Variants in USP8 observed in about 807,000 individuals in gnomAD.
The protein encoded by USP8 is ubiquitin specific peptidase 8.
Under a neutral mutation model 130.0 loss-of-function variants are expected in USP8, and 27 were observed. The observed-to-expected ratio is 0.21, with a 90% confidence interval of 0.15 to 0.29. The LOEUF is 0.29. USP8 is among the 10% of genes least tolerant of loss of function. The pLI, the probability that USP8 is intolerant of heterozygous loss-of-function variation, is 1.00. For synonymous variants in USP8, 392 were observed against 444.1 expected (o/e 0.88, Z 1.48); for missense variants, 1,029 against 1,312.2 (o/e 0.78, Z 3.33).
chr15:50,463,482 A>G (rs1004968122), intron 6 of USP8: 1 of 152,240 alleles, frequency 6.6e-6, no homozygotes. Context: ...AAACATAATT[A>G]TAGGTAACAG....
In USP8 at chr15:50,471,531, T is replaced by C. The variant is rs1377585083; in HGVS notation, c.687-102T>C. 4.7e-6 allele frequency: 6 copies of C among 1,274,748 alleles called. No homozygotes were observed. In the African/African-American group the frequency reaches 7.6e-5, roughly 16 times the overall value. The allele number at this position is 1,274,748 out of a possible 1,614,324, so 79.0% of individuals were successfully genotyped here. A position where few individuals can be genotyped will look rare whatever the true frequency, so the allele number is the denominator to read the frequency against. ...AGAAAGGAATCTACTTAAAATTTGCTATGGTGTGGTAAAGACTGTGGAACA... is the reference window on the plus strand; with the variant it reads ...AGAAAGGAATCTACTTAAAATTTGCCATGGTGTGGTAAAGACTGTGGAACA... On this transcript the variant is annotated intron_variant, in intron 7 of 19. Coordinates refer to ENST00000307179, the MANE Select transcript of USP8 (RefSeq NM_005154.5).
At chr15:50,493,776 T>TAA (rs1213602944) in intron 15 of USP8, 2 of 498,482 alleles carry the variant, frequency 4.0e-6, no homozygotes, top group East Asian at 8.7e-5. Flanking sequence ...CTCTGATTAG[T>TAA]AAAGGACAGA....
At chr15:50,479,745 A>AT (rs2051696819) in intron 10 of USP8, among the ~76,000 whole-genome samples, 1 of 151,704 alleles carries the variant, frequency 6.6e-6, no homozygotes, top group African/African-American at 2.4e-5. Flanking sequence ...TTTCTACACT[A>AT]ACCTCGTTTT....
At chr15:50,471,988 C>T (rs547893517) in intron 8 of USP8, among the ~76,000 whole-genome samples, 193 bp downstream of exon 8, 50 of 151,438 alleles carry the variant, frequency 3.3e-4, no homozygotes, top group African/African-American at 1.2e-3. Context: ...GCAACCTCCG[C>T]GTCCCAGGTT....
chr15:50,473,951 C>T (rs761545854), intron 8 of USP8, among the ~76,000 whole-genome samples: 3 of 151,934 alleles, frequency 2.0e-5, no homozygotes, highest in Admixed American at 6.6e-5. Flanking sequence ...TCTCCTGCCT[C>T]GTCCTTTCCA....
intron 1 of USP8, among the ~76,000 whole-genome samples, chr15:50,429,204 G>A (rs1192014466): frequency 6.6e-6 from 1 of 151,904 alleles, no homozygotes; most frequent in Non-Finnish European, 1.5e-5. Context: ...ACCAATAATG[G>A]TGTAAACCCA....
At chr15:50,460,346 G>C (rs1343684782) in intron 5 of USP8, among the ~76,000 whole-genome samples, 2 of 125,534 alleles carry the variant, frequency 1.6e-5, no homozygotes, top group Non-Finnish European at 3.1e-5. Flanking sequence ...TTACTCTGTC[G>C]CTCAGGCTGG....
At chr15:50,425,486 G>A (rs1383062812) in intron 1 of USP8, among the ~76,000 whole-genome samples, 2 of 152,182 alleles carry the variant, frequency 1.3e-5, no homozygotes, top group Non-Finnish European at 2.9e-5. Flanking sequence ...CATTCATGAT[G>A]GATTTGGGTA....
At chr15:50,446,001 A>G (rs569057950) in intron 3 of USP8, among the ~76,000 whole-genome samples, 2 of 152,230 alleles carry the variant, frequency 1.3e-5, no homozygotes, top group Non-Finnish European at 2.9e-5. Flanking sequence ...AAGTGGGGAA[A>G]GAAAATGTAT....
intron 4 of USP8, among the ~76,000 whole-genome samples, chr15:50,457,027 T>C (rs2050812495): frequency 6.6e-6 from 1 of 152,252 alleles, no homozygotes; most frequent in Non-Finnish European, 1.5e-5. Context: ...GCTAAAGATG[T>C]AATTCTTGCT....
chr15:50,455,259 T>G (rs1269895209), intron 4 of USP8, among the ~76,000 whole-genome samples: 1 of 151,040 alleles, frequency 6.6e-6, no homozygotes, highest in South Asian at 2.2e-4. Flanking sequence ...TGTGTTTTTT[T>G]GTAGAGACAG....
Position 50,513,538 on chromosome 15 carries a change from A to G in USP8, c.*14450A>G, listed in dbSNP as rs1045636221. Reference sequence around the variant, plus strand: ...CTGTCTAAAAAAAAAAAAAAAAAAAAGAGTGAAGAATCAAGCCACAGAAGG... The same window carrying G: ...CTGTCTAAAAAAAAAAAAAAAAAAAGGAGTGAAGAATCAAGCCACAGAAGG... On this transcript the variant is annotated 3_prime_UTR_variant, in exon 20 of 20. Coordinates refer to ENST00000307179, the MANE Select transcript of USP8 (RefSeq NM_005154.5). 1 of 146,644 alleles carries G rather than the reference A, an allele frequency of 6.8e-6. No homozygotes were observed. The highest frequency in any genetic ancestry group is 2.1e-4 in the East Asian group (1 of 4,854). 9.1% of individuals were successfully genotyped at this position (146,644 alleles called of 1,614,324 possible). A position where few individuals can be genotyped will look rare whatever the true frequency, so the allele number is the denominator to read the frequency against.
rs764874141 is a variant in USP8 at position 50,492,689 on chromosome 15, T to C, written c.2235-12T>C. 3 of 1,610,610 alleles carry C rather than the reference T, an allele frequency of 1.9e-6. No individual in the cohort carries two copies. In the South Asian group the frequency reaches 3.3e-5, roughly 18 times the overall value. ...GCATTTTAAGACATCTTGTATCCTTTTTCTTCCTCAGGCCAACATGTTATC... is the reference window on the plus strand; with the variant it reads ...GCATTTTAAGACATCTTGTATCCTTCTTCTTCCTCAGGCCAACATGTTATC... On this transcript the variant is annotated splice_polypyrimidine_tract_variant and intron_variant, in intron 14 of 19. Coordinates refer to ENST00000307179, the MANE Select transcript of USP8 (RefSeq NM_005154.5).
rs757419695 is a variant in USP8, at chr15:50,506,345, ACT to A, written c.*7260_*7261del. The A allele has an allele frequency of 6.6e-6, 1 of 151,904 alleles. No individual in the cohort carries two copies. The highest frequency in any genetic ancestry group is 1.5e-5 in the Non-Finnish European group (1 of 67,994). 9.4% of individuals were successfully genotyped at this position (151,904 alleles called of 1,614,324 possible). On this transcript the variant is annotated 3_prime_UTR_variant, in exon 20 of 20. Transcript: ENST00000307179. ...GCATTAGATTCTCACAGCAGCACAA[ACT>A]CTATTGTGAACTGCGCATGTGAGGG...
At chr15:50,473,690 G>A (rs28878825) in intron 8 of USP8, among the ~76,000 whole-genome samples, 4,341 of 151,738 alleles carry the variant, frequency 0.029, 88 homozygotes, top group East Asian at 0.09. Flanking sequence ...GTAGAGACAA[G>A]GTATTGCTAT....
chr15:50,498,051 T>C (rs754481382), intron 18 of USP8, among the ~76,000 whole-genome samples: 1 of 152,170 alleles, frequency 6.6e-6, no homozygotes, highest in Non-Finnish European at 1.5e-5. Context: ...TGATTACACA[T>C]TTGCTAAAAT....
intron 19 of USP8, 69 bp downstream of exon 19, chr15:50,498,797 C>T: frequency 1.9e-6 from 3 of 1,555,766 alleles, no homozygotes; most frequent in Non-Finnish European, 1.7e-6. Context: ...AAGTGGTTTC[C>T]TACCTCATGG....
chr15:50,431,190 T>TGTGTGTGTGTGTGTGTGTGTG (rs1567594174), intron 1 of USP8, among the ~76,000 whole-genome samples: 2 of 151,596 alleles, frequency 1.3e-5, no homozygotes, highest in Non-Finnish European at 1.5e-5. Context: ...TGTGTGTGTG[T>TGTGTGTGTGTGTGTGTGTGTG]AAGCAAGAGA....
intron 1 of USP8, among the ~76,000 whole-genome samples, chr15:50,430,399 T>C (rs1008752839): frequency 1.6e-4 from 24 of 152,072 alleles, no homozygotes; most frequent in Admixed American, 6.6e-5. Context: ...TTTTTTCTCA[T>C]GGCATTCTAA....
Sources: allele counts gnomAD v4.1 joint callset (sites outside exome capture counted in the v4.1 genomes callset), GRCh38; gene constraint gnomAD v4.1.1; transcripts MANE v1.5; gene names NCBI Gene and HGNC (gene_info 2026-07-23, HGNC 2026-07-21).